MSH3: variants seen among roughly 807,000 people sequenced by gnomAD.
The protein encoded by MSH3 is DNA mismatch repair protein Msh3.
In MSH3, 106 loss-of-function variants were observed where a neutral mutation model predicts 123.3. The observed-to-expected ratio is 0.86, with a 90% confidence interval of 0.73 to 1.01. MSH3 has a LOEUF of 1.01. MSH3 is among the 50% of genes least tolerant of loss of function. MSH3 has a pLI of 0.00. For synonymous variants in MSH3, 515 were observed against 481.4 expected (o/e 1.07, Z -0.91); for missense variants, 1,459 against 1,347.6 (o/e 1.08, Z -1.29).
At chr5:80,748,801 A>G (rs535427153) in intron 12 of MSH3, among the ~76,000 whole-genome samples, 62 of 151,808 alleles carry the variant, frequency 4.1e-4, no homozygotes, top group Non-Finnish European at 8.2e-4. Flanking sequence ...ATATTGGTAG[A>G]GGAGAAAAAA....
intron 17 of MSH3, among the ~76,000 whole-genome samples, chr5:80,786,475 AGTTT>A (rs1744511052): frequency 1.3e-5 from 2 of 152,138 alleles, no homozygotes; most frequent in Admixed American, 6.5e-5. Flanking sequence ...ATTTACAGTT[AGTTT>A]ATTACATTTT....
intron 20 of MSH3, among the ~76,000 whole-genome samples, 167 bp downstream of exon 20, chr5:80,813,908 C>G (rs1460417587): frequency 6.6e-6 from 1 of 152,054 alleles, no homozygotes; most frequent in Non-Finnish European, 1.5e-5. Flanking sequence ...CACCTGTGAT[C>G]CCAGCACTTT....
At chr5:80,808,285 A>T (rs370690136) in intron 19 of MSH3, among the ~76,000 whole-genome samples, 3 of 152,306 alleles carry the variant, frequency 2.0e-5, no homozygotes, top group Admixed American at 2.0e-4. Flanking sequence ...TGATCTGCCA[A>T]TGACAGTTTT....
At chr5:80,680,609 A>G (rs898248504) in intron 8 of MSH3, among the ~76,000 whole-genome samples, 3 of 151,002 alleles carry the variant, frequency 2.0e-5, no homozygotes, top group Non-Finnish European at 4.4e-5. Flanking sequence ...CCCCATTTTT[A>G]AAAACTTTAT....
At chr5:80,780,776 G>A (rs1167064623) in intron 17 of MSH3, among the ~76,000 whole-genome samples, 1 of 152,170 alleles carries the variant, frequency 6.6e-6, no homozygotes, top group Non-Finnish European at 1.5e-5. Flanking sequence ...GCTAATGCAC[G>A]AGAATCACTT....
At chr5:80,757,239 C>T (rs1743942467) in intron 12 of MSH3, among the ~76,000 whole-genome samples, 1 of 152,084 alleles carries the variant, frequency 6.6e-6, no homozygotes, top group African/African-American at 2.4e-5. Flanking sequence ...CAGATATTCC[C>T]ATTATACTCT....
chr5:80,711,635 G>GC (rs1227104105), intron 8 of MSH3, among the ~76,000 whole-genome samples: 2 of 152,014 alleles, frequency 1.3e-5, no homozygotes, highest in African/African-American at 4.8e-5. Flanking sequence ...TTTGAAGACA[G>GC]CACATTTTCT....
At chr5:80,797,547 T>C (rs1053442183) in intron 19 of MSH3, among the ~76,000 whole-genome samples, 2 of 152,230 alleles carry the variant, frequency 1.3e-5, no homozygotes, top group African/African-American at 4.8e-5. Context: ...TTGGGATCTT[T>C]TAGTGTAACC....
At chr5:80,701,968 T>C (rs1193451149) in intron 8 of MSH3, among the ~76,000 whole-genome samples, 1 of 152,032 alleles carries the variant, frequency 6.6e-6, no homozygotes, top group Non-Finnish European at 1.5e-5. Context: ...TGTACAGTTT[T>C]TCCTCCCTCC....
chr5:80,777,953 T>G (rs1744334921), intron 16 of MSH3, among the ~76,000 whole-genome samples: 1 of 152,188 alleles, frequency 6.6e-6, no homozygotes, highest in South Asian at 2.1e-4. Context: ...ACAGTACCTA[T>G]GAGGTAGATA....
chr5:80,776,926 A>AT (rs1317745365), intron 16 of MSH3, among the ~76,000 whole-genome samples: 3,770 of 126,764 alleles, frequency 0.03, 159 homozygotes, highest in African/African-American at 0.1. Context: ...ATATATATAT[A>AT]TATTTTTTTT....
At chr5:80,751,887 A>G (rs994946141) in intron 12 of MSH3, among the ~76,000 whole-genome samples, 4 of 152,136 alleles carry the variant, frequency 2.6e-5, no homozygotes, top group African/African-American at 9.7e-5. Context: ...GATTATACCC[A>G]TCTCTTTACT....
In MSH3 at chr5:80,725,529, A is replaced by G. The variant is rs754194859; in HGVS notation, c.1417A>G (p.Thr473Ala). 1 of 1,613,946 alleles carries G rather than the reference A, an allele frequency of 6.2e-7. No homozygotes were observed. Among genetic ancestry groups the G allele is most frequent in the Non-Finnish European group, 8.5e-7 (1 of 1,179,844 alleles). The stretch of plus-strand genomic sequence containing the variant: ...ATACAGCCATGCTTTCCAGGCAGTT[A>G]CAGAGTTTTATGCAAAAGATACAGT... ...FEYSHAFQAVTEFYAKDTVDI... is the reference protein window; with the variant it reads ...FEYSHAFQAVAEFYAKDTVDI... The change falls in exon 9 of 24, where the codon ACA becomes GCA. Residue 473 changes from threonine (T) to alanine (A), a missense_variant. Thr to Ala is a moderately conservative substitution (Grantham distance 58). Transcript: ENST00000265081.
intron 19 of MSH3, among the ~76,000 whole-genome samples, chr5:80,808,819 A>G (rs1744947541): frequency 7.0e-6 from 1 of 142,438 alleles, no homozygotes; most frequent in Non-Finnish European, 1.5e-5. Context: ...TGGAAAGGGA[A>G]AGTGTCAGAC....
intron 8 of MSH3, among the ~76,000 whole-genome samples, chr5:80,693,632 C>CACATAT (rs200731173): frequency 6.6e-5 from 3 of 45,124 alleles, no homozygotes; most frequent in African/African-American, 2.6e-4. Flanking sequence ...TATACACACA[C>CACATAT]ACACACACAC....
At chr5:80,851,999 A>G (rs143267441) in intron 20 of MSH3, among the ~76,000 whole-genome samples, 4 of 152,302 alleles carry the variant, frequency 2.6e-5, no homozygotes, top group Admixed American at 2.0e-4. Context: ...TTTAGAAAGC[A>G]CTTAAGTATA....
chr5:80,675,199 G>T, intron 7 of MSH3, 71 bp downstream of exon 7: 1 of 1,493,222 alleles, frequency 6.7e-7, no homozygotes, highest in Non-Finnish European at 9.3e-7. Flanking sequence ...TATCATGTAT[G>T]GTTTATAATA....
chr5:80,654,895 G>T lies in MSH3; in HGVS notation c.168G>T (p.Ala56=). 1.2e-6 allele frequency: 1 copy of T among 820,060 alleles called. No homozygotes were observed. Among genetic ancestry groups the T allele is most frequent in the Non-Finnish European group, 1.7e-6 (1 of 599,960 alleles). The allele number at this position is 820,060 out of a possible 1,614,324, so 50.8% of individuals were successfully genotyped here. ...ACCCTGGCGCTGCAGCGGCTGCAGCGGCCGCAGCGGCCGCAGCGCCCCCAG... is the reference window on the plus strand; with the variant it reads ...ACCCTGGCGCTGCAGCGGCTGCAGCTGCCGCAGCGGCCGCAGCGCCCCCAG... ...QVDPGAAAAA[A]AAAAAAPPAP... The change falls in exon 1 of 24, where the codon GCG becomes GCT. Residue 56 remains alanine (A), a synonymous_variant. Coordinates refer to ENST00000265081, the MANE Select transcript of MSH3 (RefSeq NM_002439.5).
In MSH3 at chr5:80,875,956, G is replaced by T. The variant is rs1005274948; in HGVS notation, c.*94G>T. 1.3e-6 allele frequency: 1 copy of T among 782,684 alleles called. No homozygotes were observed. The highest frequency in any genetic ancestry group is 2.2e-6 in the Non-Finnish European group (1 of 449,202). 48.5% of individuals were successfully genotyped at this position (782,684 alleles called of 1,614,324 possible). Reference sequence around the variant, plus strand: ...GTAACAGCCTATCTTTGTGTGACATGTGAGCATAAAATTATGACCATGGTA... The same window carrying T: ...GTAACAGCCTATCTTTGTGTGACATTTGAGCATAAAATTATGACCATGGTA... On this transcript the variant is annotated 3_prime_UTR_variant, in exon 24 of 24. Transcript: ENST00000265081.
Sources: allele counts gnomAD v4.1 joint callset (sites outside exome capture counted in the v4.1 genomes callset), GRCh38; gene constraint gnomAD v4.1.1; transcripts MANE v1.5; gene names NCBI Gene and HGNC (gene_info 2026-07-23, HGNC 2026-07-21).